SELP: variants seen among roughly 807,000 people sequenced by gnomAD.
The protein encoded by SELP is P-selectin.
In SELP, 92 loss-of-function variants were observed where a neutral mutation model predicts 104.1. The ratio of observed to expected loss-of-function variants is 0.88; its 90% CI spans 0.75 to 1.05. The LOEUF is 1.05. Ranked by LOEUF, SELP falls within the 50% of genes least tolerant of loss-of-function variation. The pLI, the probability that SELP is intolerant of heterozygous loss-of-function variation, is 0.00. For synonymous variants in SELP, 397 were observed against 364.5 expected (o/e 1.09, Z -1.01); for missense variants, 1,022 against 1,017.3 (o/e 1.00, Z -0.06).
chr1:169,615,674 C>A (rs185560049), intron 3 of SELP, among the ~76,000 whole-genome samples: 1 of 152,168 alleles, frequency 6.6e-6, no homozygotes. Context: ...CCATCCTGAT[C>A]CATGAATATA....
rs1662581306 is a variant in SELP, at chr1:169,612,302, A to G, written c.876T>C (p.Cys292=). 1 of 1,614,142 alleles carries G rather than the reference A, an allele frequency of 6.2e-7. No individual in the cohort carries two copies. Residue 292 remains cysteine (C), a synonymous_variant, in exon 6 of 17, where the codon TGT becomes TGC. Coordinates refer to ENST00000263686, the MANE Select transcript of SELP (RefSeq NM_003005.4). ...GTCCAACTAATGCAAATCCCTCTTC[A>G]CAACTGAAGCTGCAGCTAGACTGAT... ...FQHQSSCSFS[C]EEGFALVGPE...
chr1:169,598,275 C>T (rs3917794), intron 10 of SELP, among the ~76,000 whole-genome samples: 10,270 of 152,222 alleles, frequency 0.067, 462 homozygotes, highest in Middle Eastern at 0.12. Flanking sequence ...AATGAAGTGA[C>T]TATTCTTTCT....
chr1:169,593,649 C>T lies in SELP; in HGVS notation c.2363G>A (p.Gly788Asp), dbSNP rs760606768. 6.2e-7 allele frequency: 1 copy of T among 1,613,470 alleles called. No homozygotes were observed. The highest frequency in any genetic ancestry group is 1.7e-5 in the Admixed American group (1 of 59,932). The change falls in exon 14 of 17, where the codon GGT becomes GAT. Residue 788 changes from glycine to aspartate, a missense_variant. Transcript: ENST00000263686. ...AVASTIGLIM[G>D]GTLLALLRKR... Reference sequence around the variant, plus strand: ...TCTTAGCAAAGCCAGGAGCGTCCCACCCATTATCAGACCTATCGTAGAAGC... The same window carrying T: ...TCTTAGCAAAGCCAGGAGCGTCCCATCCATTATCAGACCTATCGTAGAAGC...
At chr1:169,590,508 T>A (rs1390904117) in intron 15 of SELP, among the ~76,000 whole-genome samples, 1 of 152,196 alleles carries the variant, frequency 6.6e-6, no homozygotes, top group African/African-American at 2.4e-5. Flanking sequence ...ATTCTTGGCA[T>A]TAACACTTGA....
chr1:169,602,956 A>T, intron 10 of SELP, 70 bp downstream of exon 10: 1 of 1,346,980 alleles, frequency 7.4e-7, no homozygotes, highest in Non-Finnish European at 1.0e-6. Flanking sequence ...CTTTTATATA[A>T]ATCCCTGATG....
intron 8 of SELP, among the ~76,000 whole-genome samples, 179 bp downstream of exon 8, chr1:169,609,325 G>A (rs1415930540): frequency 1.3e-5 from 2 of 152,212 alleles, no homozygotes; most frequent in African/African-American, 2.4e-5. Flanking sequence ...GTGGACATGT[G>A]CCTAAGACTG....
At chr1:169,593,524 C>T in intron 14 of SELP, 81 bp downstream of exon 14, 3 of 1,284,016 alleles carry the variant, frequency 2.3e-6, no homozygotes, top group South Asian at 1.4e-5. Context: ...GTGGTTTTTG[C>T]CTCCCCACCC....
At chr1:169,619,656 T>C (rs1662993625) in intron 1 of SELP, among the ~76,000 whole-genome samples, 2 of 152,358 alleles carry the variant, frequency 1.3e-5, no homozygotes, top group South Asian at 2.1e-4. Context: ...ACCTATACTT[T>C]GAGGTGCAGA....
chr1:169,597,158 A>G lies in SELP; in HGVS notation c.1724T>C (p.Leu575Pro), dbSNP rs762441737. ...CAGGCTGCCCTGCTCTGGGGCAAAG[A>G]GTTCTGGGCACTTGATGGCTAGAGT... ...PMCEAIKCPE[L>P]FAPEQGSLDC... Residue 575 changes from leucine to proline, a missense_variant, in exon 11 of 17, where the codon CTC (leucine) becomes CCC (proline). Physicochemically the swap from Leu to Pro is moderately conservative, Grantham distance 98. Transcript: ENST00000263686. The G allele has an allele frequency of 4.4e-6, 7 of 1,597,968 alleles. No homozygotes were observed. Among genetic ancestry groups the G allele is most frequent in the Non-Finnish European group, 6.0e-6 (7 of 1,171,404 alleles).
At chr1:169,629,233 A>G (rs1376724985) in intron 1 of SELP, among the ~76,000 whole-genome samples, 1 of 152,134 alleles carries the variant, frequency 6.6e-6, no homozygotes, top group Non-Finnish European at 1.5e-5. Context: ...TAGCCTAACC[A>G]CGTGCATCTT....
chr1:169,605,256 C>T (rs548105570), intron 9 of SELP, among the ~76,000 whole-genome samples: 3 of 152,330 alleles, frequency 2.0e-5, no homozygotes, highest in African/African-American at 4.8e-5. Context: ...CAGACTTCAA[C>T]GTAGCCAGGA....
intron 6 of SELP, 47 bp downstream of exon 6, chr1:169,612,170 G>A (rs1662571496): frequency 8.3e-6 from 13 of 1,570,952 alleles, no homozygotes; most frequent in Non-Finnish European, 1.1e-5. Flanking sequence ...CACTAAGTAA[G>A]GACTGGGTGC....
chr1:169,601,473 G>A (rs778211802), intron 10 of SELP, among the ~76,000 whole-genome samples: 2 of 152,216 alleles, frequency 1.3e-5, no homozygotes, highest in African/African-American at 2.4e-5. Context: ...TCCACAGGAA[G>A]GAATAAATAA....
rs200738650 is a variant in SELP at position 169,617,022 on chromosome 1, C to G, written c.481+6G>C. 1.1e-5 allele frequency: 17 copies of G among 1,588,160 alleles called. No homozygotes were observed. Among genetic ancestry groups the G allele is most frequent in the Non-Finnish European group, 1.5e-5 (17 of 1,166,408 alleles). The stretch of plus-strand genomic sequence containing the variant: ...CAGGAAAGTTTCAAAGTAGAGAAGG[C>G]CCTACCTGTGTAACACAATGCGTGC... On this transcript the variant is annotated splice_donor_region_variant and intron_variant, in intron 3 of 16. Transcript: ENST00000263686.
In SELP at chr1:169,603,167, T is replaced by C; in HGVS notation, c.1564A>G (p.Thr522Ala). The C allele has an allele frequency of 6.2e-7, 1 of 1,614,054 alleles. No homozygotes were observed. Residue 522 changes from threonine to alanine, a missense_variant, in exon 10 of 17, where the codon ACC becomes GCC. Coordinates refer to ENST00000263686, the MANE Select transcript of SELP (RefSeq NM_003005.4). The part of the protein sequence containing the change: ...PLLSPQNGTM[T>A]CVQPLGSSSY... ...GAACTTCCAAGAGGTTGAACACAGGTCATTGTTCCATTCTGAGGGCTTAGC... is the reference window on the plus strand; with the variant it reads ...GAACTTCCAAGAGGTTGAACACAGGCCATTGTTCCATTCTGAGGGCTTAGC...
rs746047610 is a variant in SELP, at chr1:169,611,560, A to T, written c.1079T>A (p.Val360Glu). 6.2e-7 allele frequency: 1 copy of T among 1,613,998 alleles called. No homozygotes were observed. Among genetic ancestry groups the T allele is most frequent in the South Asian group, 1.1e-5 (1 of 91,076 alleles). Residue 360 changes from valine (V) to glutamate (E), a missense_variant, in exon 7 of 17, where the codon GTG (valine) becomes GAG (glutamate). Physicochemically the swap from Val to Glu is moderately radical, Grantham distance 121. Transcript: ENST00000263686. ...CKFECQPGYR[V>E]RGLDMLRCID... ...GCAGCGGAGCATGTCCAAGCCCCTC[A>T]CTCTGTAGCCGGGCTGGCACTCAAA...
chr1:169,617,523 T>C (rs1662882354), intron 2 of SELP, 109 bp from the exon 3 acceptor site: 2 of 1,132,784 alleles, frequency 1.8e-6, no homozygotes, highest in Non-Finnish European at 2.5e-6. Flanking sequence ...AGAACATTAA[T>C]ACACAAAACA....
At position 169,603,061 on chromosome 1, in the gene SELP, G is replaced by C; in HGVS notation, c.1670C>G (p.Ser557Trp). Residue 557 changes from serine (S) to tryptophan (W), a missense_variant, in exon 10 of 17, where the codon TCG becomes TGG. Coordinates refer to ENST00000263686, the MANE Select transcript of SELP (RefSeq NM_003005.4). ...TGGTGGGGAGTCTGTCCAGCGTCCC[G>C]ATCGAGTACAATCCAATCTTTCTGG... The part of the protein sequence containing the change: ...SGPERLDCTR[S>W]GRWTDSPPMC... The C allele has an allele frequency of 3.1e-6, 5 of 1,613,854 alleles. No homozygotes were observed. Among genetic ancestry groups the C allele is most frequent in the Non-Finnish European group, 3.4e-6 (4 of 1,179,888 alleles).
In SELP at chr1:169,617,509, G is replaced by T. The variant is rs1013590885; in HGVS notation, c.95-95C>A. ...CTTCTGCATACTCAGATGAATTTCC[G>T]ACCAGAACATTAATACACAAAACAA... On this transcript the variant is annotated intron_variant, in intron 2 of 16. Coordinates refer to ENST00000263686, the MANE Select transcript of SELP (RefSeq NM_003005.4). 3.9e-6 allele frequency: 5 copies of T among 1,285,152 alleles called. No individual in the cohort carries two copies. The South Asian group carries it at 5.7e-5, about 15-fold the overall frequency. The allele number at this position is 1,285,152 out of a possible 1,614,324, so 79.6% of individuals were successfully genotyped here.
Sources: allele counts gnomAD v4.1 joint callset (sites outside exome capture counted in the v4.1 genomes callset), GRCh38; gene constraint gnomAD v4.1.1; transcripts MANE v1.5; gene names NCBI Gene and HGNC (gene_info 2026-07-23, HGNC 2026-07-21).